The following GRM1 variants were observed in gnomAD, a reference collection of about 807,000 sequenced individuals.
GRM1 encodes glutamate metabotropic receptor 1, also known as metabotropic glutamate receptor 1.
A neutral mutation model predicts 90.9 loss-of-function variants in GRM1; 33 were observed. The observed-to-expected ratio is 0.36, with a 90% CI of 0.28 to 0.49. The LOEUF (loss-of-function observed/expected upper bound fraction) is 0.49. Ranked by LOEUF, GRM1 falls within the 20% of genes least tolerant of loss-of-function variation. GRM1 has a pLI of 0.99. For missense variants in GRM1, 1,190 were observed against 1,534.3 expected (o/e 0.78, Z 3.75); for synonymous variants, 700 against 613.2 (o/e 1.14, Z -2.09).
At chr6:146,028,335 C>T (rs916238246), upstream of GRM1, among the ~76,000 whole-genome samples, 2 of 150,892 alleles carry the variant, frequency 1.3e-5, no homozygotes, top group Non-Finnish European at 2.9e-5. Context: ...CAGGGAATTG[C>T]AACTCACTGG....
chr6:146,434,791 C>T lies in GRM1; in HGVS notation c.3580C>T (p.Leu1194=), dbSNP rs75697308. 2.5e-6 allele frequency: 4 copies of T among 1,595,070 alleles called. No homozygotes were observed. Among genetic ancestry groups the T allele is most frequent in the Non-Finnish European group, 3.4e-6 (4 of 1,176,214 alleles). ...LRDYKQSSST[L] ...GGACTACAAGCAAAGCTCTTCCACC[C>T]TGTAAGGGGGAAGGGTCCACATAGA... Residue 1194 remains leucine (L), a synonymous_variant, in exon 8 of 8, where the codon CTG becomes TTG. Transcript: ENST00000282753.
intron 7 of GRM1, among the ~76,000 whole-genome samples, chr6:146,433,525 AGTGT>A (rs72224796): frequency 0.32 from 47,557 of 148,010 alleles, 7,697 homozygotes; most frequent in Non-Finnish European, 0.37. Flanking sequence ...GTTTTTCAAA[AGTGT>A]GTGTGTGTGT....
chr6:146,266,080 T>C (rs541354844), intron 2 of GRM1, among the ~76,000 whole-genome samples: 145 of 151,940 alleles, frequency 9.5e-4, no homozygotes, highest in Non-Finnish European at 1.7e-3. Flanking sequence ...TCCCAGCTAC[T>C]TGGGAGGCTG....
intron 1 of GRM1, among the ~76,000 whole-genome samples, chr6:146,104,164 G>A (rs1777142923): frequency 6.6e-6 from 1 of 152,204 alleles, no homozygotes; most frequent in Non-Finnish European, 1.5e-5. Context: ...TTGCCAGCTG[G>A]GCGCGGTGGC....
At chr6:146,197,643 A>G (rs539706777) in intron 2 of GRM1, among the ~76,000 whole-genome samples, 2 of 152,374 alleles carry the variant, frequency 1.3e-5, no homozygotes, top group South Asian at 4.1e-4. Context: ...CTTTATTATA[A>G]GAAATTATAG....
At chr6:146,230,461 A>G (rs1270058793) in intron 2 of GRM1, among the ~76,000 whole-genome samples, 2 of 152,166 alleles carry the variant, frequency 1.3e-5, no homozygotes, top group African/African-American at 2.4e-5. Flanking sequence ...AACAAAAAAG[A>G]GATATCACCA....
chr6:146,211,347 GA>G (rs58945695), intron 2 of GRM1, among the ~76,000 whole-genome samples: 101 of 125,344 alleles, frequency 8.1e-4, no homozygotes, highest in East Asian at 4.9e-3. Context: ...TCTAATGATA[GA>G]AAAAAAAAAA....
At chr6:146,155,919 T>G (rs936063647) in intron 1 of GRM1, among the ~76,000 whole-genome samples, 5 of 152,240 alleles carry the variant, frequency 3.3e-5, no homozygotes, top group Non-Finnish European at 7.3e-5. Context: ...ATTTACACTT[T>G]AACAGATTAC....
intron 3 of GRM1, among the ~76,000 whole-genome samples, chr6:146,349,327 C>A (rs1466498533): frequency 6.6e-6 from 1 of 151,066 alleles, no homozygotes; most frequent in African/African-American, 2.4e-5. Flanking sequence ...ATGATCCGTC[C>A]GCCTCAGCCT....
chr6:146,126,288 T>A (rs2128878877), intron 1 of GRM1, among the ~76,000 whole-genome samples: 1 of 152,266 alleles, frequency 6.6e-6, no homozygotes, highest in Admixed American at 6.5e-5. Context: ...ATAATATTTC[T>A]AAAGTAGAGA....
chr6:146,078,498 T>C (rs568860087), intron 1 of GRM1, among the ~76,000 whole-genome samples: 1 of 152,310 alleles, frequency 6.6e-6, no homozygotes, highest in African/African-American at 2.4e-5. Flanking sequence ...GATTGATAGT[T>C]AATATGCTGG....
chr6:146,321,330 T>A (rs2114970218), intron 3 of GRM1, among the ~76,000 whole-genome samples: 1 of 152,346 alleles, frequency 6.6e-6, no homozygotes, highest in East Asian at 1.9e-4. Flanking sequence ...CGCTGTCGTC[T>A]GCGAGACTGT....
intron 2 of GRM1, among the ~76,000 whole-genome samples, chr6:146,207,532 C>A (rs1019500469): frequency 3.3e-5 from 5 of 152,018 alleles, no homozygotes; most frequent in African/African-American, 1.2e-4. Flanking sequence ...TTTTCTCCAT[C>A]AGAGCTCTGT....
chr6:146,105,811 A>C (rs1023157963), intron 1 of GRM1, among the ~76,000 whole-genome samples: 3 of 152,214 alleles, frequency 2.0e-5, no homozygotes, highest in African/African-American at 7.2e-5. Flanking sequence ...GGAGACCTTT[A>C]AGGTAGTTCA....
chr6:146,118,934 A>G (rs1775870106), intron 1 of GRM1, among the ~76,000 whole-genome samples: 1 of 152,246 alleles, frequency 6.6e-6, no homozygotes, highest in South Asian at 2.1e-4. Flanking sequence ...AGCATGATTT[A>G]TAATCCTTTG....
chr6:146,203,348 G>A (rs1456459583), intron 2 of GRM1, among the ~76,000 whole-genome samples: 1 of 152,094 alleles, frequency 6.6e-6, no homozygotes, highest in Non-Finnish European at 1.5e-5. Context: ...TCTGTCGGGG[G>A]TTCATCTTCT....
intron 2 of GRM1, among the ~76,000 whole-genome samples, chr6:146,275,444 AT>A (rs1782319898): frequency 6.6e-6 from 1 of 151,980 alleles, no homozygotes; most frequent in African/African-American, 2.4e-5. Flanking sequence ...AATCAAGTTC[AT>A]TTCATGGACT....
At chr6:146,343,557 T>C (rs1785056619) in intron 3 of GRM1, among the ~76,000 whole-genome samples, 1 of 152,112 alleles carries the variant, frequency 6.6e-6, no homozygotes, top group African/African-American at 2.4e-5. Flanking sequence ...TTTTATTTTG[T>C]TACTCAATTT....
chr6:146,035,373 A>T (rs1026809988), intron 1 of GRM1, among the ~76,000 whole-genome samples: 6 of 151,984 alleles, frequency 3.9e-5, no homozygotes, highest in African/African-American at 1.4e-4. Flanking sequence ...TTATTGGCAA[A>T]AGTTGGTGAG....
Sources: allele counts gnomAD v4.1 joint callset (sites outside exome capture counted in the v4.1 genomes callset), GRCh38; gene constraint gnomAD v4.1.1; transcripts MANE v1.5; gene names NCBI Gene and HGNC (gene_info 2026-07-23, HGNC 2026-07-21).